AATK: variants seen among roughly 807,000 people sequenced by gnomAD.
AATK encodes serine/threonine-protein kinase LMTK1.
Under a neutral mutation model 114.3 loss-of-function variants are expected in AATK, and 91 were observed. The ratio of observed to expected loss-of-function variants is 0.80; its 90% CI spans 0.67 to 0.95. The LOEUF is 0.95. Ranked by LOEUF, AATK falls within the 40% of genes least tolerant of loss-of-function variation. The pLI, the probability that AATK is intolerant of heterozygous loss-of-function variation, is 0.00. For synonymous variants in AATK, 1,075 were observed against 916.5 expected, an observed-to-expected ratio of 1.17 and a Z score of -3.12; for missense variants, 2,176 against 1,965.2, an observed-to-expected ratio of 1.11 and a Z score of -2.03.
chr17:81,163,335 G>A (rs768281644), intron 1 of AATK, among the ~76,000 whole-genome samples: 2 of 152,146 alleles, frequency 1.3e-5, no homozygotes, highest in Admixed American at 6.5e-5. Flanking sequence ...CAGGTAGAAG[G>A]GGTGACCTCT....
In AATK at chr17:81,121,899, G is replaced by A. The variant is rs1568220710; in HGVS notation, c.2037C>T (p.Arg679=). 2 of 1,600,826 alleles carry A rather than the reference G, an allele frequency of 1.2e-6. No individual in the cohort carries two copies. The highest frequency in any genetic ancestry group is 1.1e-5 in the South Asian group (1 of 91,012). Residue 679 remains arginine, a synonymous_variant, in exon 11 of 14, where the codon CGC becomes CGT. Coordinates refer to ENST00000326724, the MANE Select transcript of AATK (RefSeq NM_001080395.3). ...TGTTGTTGTTGGCTGACACGTTGGA[G>A]CGCCAGTGCCCGCGCTGGGCGGCCC... ...ARRAAQRGHW[R]SNVSANNNSG...
intron 7 of AATK, among the ~76,000 whole-genome samples, chr17:81,125,618 T>C (rs2060802582): frequency 6.6e-6 from 1 of 152,180 alleles, no homozygotes; most frequent in African/African-American, 2.4e-5. Flanking sequence ...CTTTGAACCC[T>C]GCCTGGCTGG....
chr17:81,132,885 G>A (rs750191008), intron 2 of AATK: 58 of 245,134 alleles, frequency 2.4e-4, no homozygotes, highest in Non-Finnish European at 4.2e-4. Flanking sequence ...TGAGGAGGGC[G>A]CAGGAGGAGG....
At chr17:81,158,153 G>T (rs561062595) in intron 1 of AATK, among the ~76,000 whole-genome samples, 1 of 152,314 alleles carries the variant, frequency 6.6e-6, no homozygotes, top group East Asian at 1.9e-4. Flanking sequence ...CGTCACAGAA[G>T]GAAAAATAAA....
chr17:81,119,676 A>C (rs1368283227), intron 12 of AATK, 96 bp from the exon 13 acceptor site: 6 of 550,228 alleles, frequency 1.1e-5, no homozygotes, highest in Middle Eastern at 5.7e-4. Context: ...GCCTCCCATC[A>C]TGTCACGGGC....
intron 1 of AATK, among the ~76,000 whole-genome samples, chr17:81,162,659 C>G (rs1044679553): frequency 6.6e-6 from 1 of 152,214 alleles, no homozygotes; most frequent in Non-Finnish European, 1.5e-5. Context: ...TGAGGCCCAG[C>G]CTGCCCAGCC....
chr17:81,120,799 T>G lies in AATK; in HGVS notation c.3137A>C (p.Glu1046Ala). ...CTCCCCGGGGCCAGAGCCTTGTGCC[T>G]CCCCGGAAACCCCAGGCCTGAGACA... is the stretch of plus-strand genomic sequence containing the variant. ...QVCLRPGVSG[E>A]AQGSGPGEVL... Residue 1046 changes from glutamate to alanine, a missense_variant, in exon 11 of 14, where the codon GAG becomes GCG. Transcript: ENST00000326724. 6.4e-7 allele frequency: 1 copy of G among 1,569,218 alleles called. No individual in the cohort carries two copies. The highest frequency in any genetic ancestry group is 8.6e-7 in the Non-Finnish European group (1 of 1,157,782).
chr17:81,162,354 CCGGGGG>C, intron 1 of AATK, among the ~76,000 whole-genome samples: 1 of 152,236 alleles, frequency 6.6e-6, no homozygotes, highest in Non-Finnish European at 1.5e-5. Context: ...CTCTGAGACC[CCGGGGG>C]CGAGAGGAGG....
intron 4 of AATK, among the ~76,000 whole-genome samples, 174 bp from the exon 5 acceptor site, chr17:81,128,084 C>G (rs548845194): frequency 2.6e-5 from 4 of 152,272 alleles, no homozygotes; most frequent in South Asian, 2.1e-4. Context: ...TCCCGGCAAC[C>G]CTCTGGCTGT....
chr17:81,129,307 A>T (rs2146319942), intron 3 of AATK, among the ~76,000 whole-genome samples: 1 of 152,122 alleles, frequency 6.6e-6, no homozygotes, highest in South Asian at 2.1e-4. Context: ...GTGTGGGCCC[A>T]CCGGGTGCTG....
chr17:81,134,990 G>A (rs11653179), intron 1 of AATK, among the ~76,000 whole-genome samples: 21,057 of 152,158 alleles, frequency 0.14, 1,676 homozygotes, highest in South Asian at 0.2. Flanking sequence ...TCTGAGGTGC[G>A]GGGACCTCAC....
chr17:81,160,616 C>G (rs940347226), intron 1 of AATK, among the ~76,000 whole-genome samples: 3 of 152,202 alleles, frequency 2.0e-5, no homozygotes, highest in African/African-American at 7.2e-5. Context: ...GGAGTCTCCC[C>G]ACCACGGACA....
At chr17:81,132,621 T>C in intron 2 of AATK, 2 of 261,732 alleles carry the variant, frequency 7.6e-6, no homozygotes, top group Non-Finnish European at 1.6e-5. Context: ...AGATGCTGTC[T>C]CTCCCTGGGG....
At chr17:81,144,728 T>C (rs1388904804) in intron 1 of AATK, among the ~76,000 whole-genome samples, 1 of 152,254 alleles carries the variant, frequency 6.6e-6, no homozygotes, top group Non-Finnish European at 1.5e-5. Context: ...AATCACAAGC[T>C]ACGAAGTCCA....
Position 81,134,464 on chromosome 17 carries a change from G to A in AATK, c.93C>T (p.Ser31=), listed in dbSNP as rs774750382. 1.1e-5 allele frequency: 17 copies of A among 1,613,004 alleles called. No homozygotes were observed. In the Admixed American group the frequency reaches 1.2e-4, roughly 11 times the overall value. The change falls in exon 2 of 14, where the codon TCC becomes TCT. Residue 31 remains serine (S), a synonymous_variant. Coordinates refer to ENST00000326724, the MANE Select transcript of AATK (RefSeq NM_001080395.3). ...AGAAAGACACAGCCACCACGGCGAG[G>A]GAGGATGGCCAGGACAGCTCGCTGA... ...APLSELSWPS[S]LAVVAVSFSG...
Position 81,128,461 on chromosome 17 carries a change from G to A in AATK, c.414+9C>T. The A allele has an allele frequency of 6.5e-7, 1 of 1,548,756 alleles. No individual in the cohort carries two copies. Among genetic ancestry groups the A allele is most frequent in the Non-Finnish European group, 8.7e-7 (1 of 1,146,810 alleles). On this transcript the variant is annotated intron_variant, in intron 4 of 13. Transcript: ENST00000326724. ...GGCGGGAGTCCTCCCTCCCAGGCGG[G>A]ACACGTACCTTCCCGAACCAGCCAC...
intron 1 of AATK, chr17:81,165,543 A>C: frequency 1.1e-6 from 1 of 937,594 alleles, no homozygotes; most frequent in Non-Finnish European, 1.5e-6. Context: ...CTCCCACGCC[A>C]GGGCCCCGGA....
intron 1 of AATK, among the ~76,000 whole-genome samples, chr17:81,143,078 G>A (rs548000689): frequency 6.6e-5 from 10 of 152,362 alleles, no homozygotes; most frequent in Admixed American, 2.6e-4. Context: ...GGGTGCTGCC[G>A]TCCGCAGCGT....
rs745803589 is a variant in AATK at position 81,120,356 on chromosome 17, C to G, written c.3580G>C (p.Val1194Leu). 10 of 1,609,764 alleles carry G rather than the reference C, an allele frequency of 6.2e-6. No individual in the cohort carries two copies. The highest frequency in any genetic ancestry group is 8.5e-6 in the Non-Finnish European group (10 of 1,179,048). Residue 1194 changes from valine to leucine, a missense_variant, in exon 11 of 14, where the codon GTG (valine) becomes CTG (leucine). By Grantham distance (32) the Val-to-Leu change is conservative (BLOSUM62 1). This residue lies in a region of AATK where 1,701 missense variants were observed against 1,394.7 expected (regional missense o/e 1.22). Coordinates refer to ENST00000326724, the MANE Select transcript of AATK (RefSeq NM_001080395.3). ...SEDSEEEAPA[V>L]PVVVAESQSA... ...TGGCTCTCAGCCACCACCACGGGCA[C>G]CGCCGGCGCCTCCTCTTCGCTGTCC...
Sources: allele counts gnomAD v4.1 joint callset (sites outside exome capture counted in the v4.1 genomes callset), GRCh38; gene constraint gnomAD v4.1.1; regional missense constraint gnomAD v4.1.1; transcripts MANE v1.5; gene names NCBI Gene and HGNC (gene_info 2026-07-23, HGNC 2026-07-21).